The following SEPTIN5 variants were observed in gnomAD, a reference collection of about 807,000 sequenced individuals.
The protein encoded by SEPTIN5 is septin 5, also known as septin-5.
SEPTIN5 carries 16 observed loss-of-function variants against 51.2 expected under a neutral mutation model. The observed-to-expected ratio is 0.31, with a 90% CI of 0.21 to 0.47. SEPTIN5 has a LOEUF of 0.47. Ranked by LOEUF, SEPTIN5 falls within the 20% of genes least tolerant of loss-of-function variation. The pLI, the probability that SEPTIN5 is intolerant of heterozygous loss-of-function variation, is 0.99. For missense variants in SEPTIN5, 376 were observed against 500.3 expected, an observed-to-expected ratio of 0.75 and a Z score of 2.37; for synonymous variants, 208 against 191.2, an observed-to-expected ratio of 1.09 and a Z score of -0.72.
Position 19,719,596 on chromosome 22 carries a change from C to A in SEPTIN5, c.55-6C>A, listed in dbSNP as rs751592507. On this transcript the variant is annotated splice_region_variant and splice_polypyrimidine_tract_variant and intron_variant, in intron 2 of 11. Coordinates refer to ENST00000455784, the MANE Select transcript of SEPTIN5 (RefSeq NM_002688.6). ...GTGTCCCTACCCTGTTCCATCCTGT[C>A]CCCAGGACATTGACAAGCAGTACGT... 1.2e-6 allele frequency: 2 copies of A among 1,610,682 alleles called. No individual in the cohort carries two copies. Among genetic ancestry groups the A allele is most frequent in the Admixed American group, 1.7e-5 (1 of 59,950 alleles).
Position 19,714,509 on chromosome 22 carries a change from C to A in SEPTIN5, c.-80C>A. ...CGGCGCGGAGGGGCCGCTCACCCCG[C>A]AGCCCGGCCTCGGCCTCCGCCGCTT... On this transcript the variant is annotated 5_prime_UTR_variant, in exon 1 of 12. Transcript: ENST00000455784. The surrounding 1 kb of genome is among the most constrained non-coding windows in gnomAD (Gnocchi z 5.2). 4 of 997,838 alleles carry A rather than the reference C, an allele frequency of 4.0e-6. No individual in the cohort carries two copies. Among genetic ancestry groups the A allele is most frequent in the Non-Finnish European group, 5.1e-6 (4 of 791,678 alleles). 61.8% of individuals were successfully genotyped at this position (997,838 alleles called of 1,614,324 possible).
In SEPTIN5 at chr22:19,722,270, C is replaced by T; in HGVS notation, c.984C>T (p.Pro328=). 6.2e-7 allele frequency: 1 copy of T among 1,610,786 alleles called. No homozygotes were observed. Among genetic ancestry groups the T allele is most frequent in the Non-Finnish European group, 8.5e-7 (1 of 1,179,170 alleles). ...CCCAGGACAGCCGCATGGAGAGCCC[C>T]ATCCCGATCCTGCCGCTGCCCACCC... ...KLTQDSRMES[P]IPILPLPTPD... The change falls in exon 11 of 12, where the codon CCC becomes CCT. Residue 328 remains proline (P), a synonymous_variant. Coordinates refer to ENST00000455784, the MANE Select transcript of SEPTIN5 (RefSeq NM_002688.6).
rs756651250 is a variant in SEPTIN5 at position 19,720,443 on chromosome 22, C to T, written c.486C>T (p.Pro162=). Residue 162 remains proline (P), a synonymous_variant, in exon 6 of 12, where the codon CCC becomes CCT. Transcript: ENST00000455784. The part of the protein sequence containing the change: ...RVHCCLYFIS[P]FGHGLRPVDV... Reference sequence around the variant, plus strand: ...ACTGCTGCCTATACTTCATCTCCCCCTTCGGGCATGGGTGTGTGGCTGTCC... The same window carrying T: ...ACTGCTGCCTATACTTCATCTCCCCTTTCGGGCATGGGTGTGTGGCTGTCC... 2.5e-6 allele frequency: 4 copies of T among 1,613,708 alleles called. No individual in the cohort carries two copies. Among genetic ancestry groups the T allele is most frequent in the African/African-American group, 2.7e-5 (2 of 74,932 alleles).
rs1308273794 is a variant in SEPTIN5, at chr22:19,714,762, C to T, written c.44-19C>T. 6 of 1,592,296 alleles carry T rather than the reference C, an allele frequency of 3.8e-6. No individual in the cohort carries two copies. The East Asian group carries it at 1.1e-4, about 30-fold the overall frequency. On this transcript the variant is annotated intron_variant, in intron 1 of 11. Coordinates refer to ENST00000455784, the MANE Select transcript of SEPTIN5 (RefSeq NM_002688.6). This position sits in a 1 kb window ranked among gnomAD's most constrained non-coding sequence, Gnocchi z 5.2. ...GCTCGGAACCGGACCCGGACTCGAC[C>T]CCGACCCCGACCCCGCAGAGGACAA...
chr22:19,716,002 C>T (rs994172545), intron 2 of SEPTIN5, among the ~76,000 whole-genome samples: 4 of 152,220 alleles, frequency 2.6e-5, no homozygotes, highest in Admixed American at 1.3e-4. Flanking sequence ...CTGCAGGTGT[C>T]CCCAGCTTGA....
chr22:19,721,798 C>T, intron 9 of SEPTIN5, 24 bp from the exon 10 acceptor site: 1 of 1,604,092 alleles, frequency 6.2e-7, no homozygotes, highest in Non-Finnish European at 8.5e-7. Flanking sequence ...CGGCGCCAGC[C>T]CACTACCCAC....
At chr22:19,721,197 G>A (rs959129092) in intron 8 of SEPTIN5, among the ~76,000 whole-genome samples, 12 of 152,344 alleles carry the variant, frequency 7.9e-5, no homozygotes, top group African/African-American at 2.6e-4. Context: ...CAGAGGAAGG[G>A]GCTGCCCCAG....
At chr22:19,720,928 G>T in intron 8 of SEPTIN5, 59 bp downstream of exon 8, 2 of 1,457,142 alleles carry the variant, frequency 1.4e-6, no homozygotes, top group South Asian at 1.1e-5. Context: ...AGAACCAGAG[G>T]GCTTTGTCTC....
intron 2 of SEPTIN5, chr22:19,717,685 T>C (rs1298844441): frequency 3.7e-6 from 1 of 266,976 alleles, no homozygotes; most frequent in Non-Finnish European, 7.4e-6. Flanking sequence ...CTAAGCCTCC[T>C]AGGGGACAGG....
intron 7 of SEPTIN5, 49 bp downstream of exon 7, chr22:19,720,715 G>A (rs994726101): frequency 6.2e-7 from 1 of 1,611,652 alleles, no homozygotes; most frequent in African/African-American, 1.3e-5. Context: ...GGGGCTGAGA[G>A]TACCAGGGGG....
In SEPTIN5 at chr22:19,721,664, G is replaced by A. The variant is rs758456044; in HGVS notation, c.742G>A (p.Gly248Ser). Residue 248 changes from glycine to serine, a missense_variant, in exon 9 of 12, where the codon GGC (glycine) becomes AGC (serine). Around this residue, in one of 2 missense-constraint regions of SEPTIN5, gnomAD observed 287 missense variants for 417.1 expected, o/e 0.69. Transcript: ENST00000455784. ...LKESAPFAVIGSNTVVEAKGQ... is the reference protein window; with the variant it reads ...LKESAPFAVISSNTVVEAKGQ... ...GGAGAGCGCGCCCTTCGCCGTTATA[G>A]GCAGCAACACGGTGGTGGAGGCCAA... is the stretch of plus-strand genomic sequence containing the variant. The A allele has an allele frequency of 4.3e-6, 7 of 1,612,748 alleles. No homozygotes were observed. Among genetic ancestry groups the A allele is most frequent in the Non-Finnish European group, 5.9e-6 (7 of 1,179,778 alleles).
rs547228620 is a variant in SEPTIN5 at position 19,721,491 on chromosome 22, G to A, written c.718-149G>A. 194 of 865,160 alleles carry A rather than the reference G, an allele frequency of 2.2e-4. 1 individual carries two copies. The highest frequency in any genetic ancestry group is 2.0e-3 in the African/African-American group (117 of 59,720). The allele number at this position is 865,160 out of a possible 1,614,324, so 53.6% of individuals were successfully genotyped here. On this transcript the variant is annotated intron_variant, in intron 8 of 11. Coordinates refer to ENST00000455784, the MANE Select transcript of SEPTIN5 (RefSeq NM_002688.6). ...TCTGGCTCCAGCCAGGGGCAGAGAG[G>A]CCAGAAAGGGGCAACGCCAGGATCT...
At chr22:19,719,295 C>T in intron 2 of SEPTIN5, 1 of 337,644 alleles carries the variant, frequency 3.0e-6, no homozygotes. Context: ...TGCCCTCTGC[C>T]CGAGGAGGGA....
At chr22:19,718,975 G>C in intron 2 of SEPTIN5, 1 of 691,704 alleles carries the variant, frequency 1.4e-6, no homozygotes, top group Non-Finnish European at 2.0e-6. Flanking sequence ...ACGGTGGGGC[G>C]ACGTGCCCTG....
In SEPTIN5 at chr22:19,723,138, G is replaced by C. The variant is rs1024742646; in HGVS notation, c.*654G>C. 7.2e-6 allele frequency: 4 copies of C among 553,056 alleles called. No individual in the cohort carries two copies. Among genetic ancestry groups the C allele is most frequent in the Non-Finnish European group, 1.4e-5 (4 of 289,464 alleles). 34.3% of individuals were successfully genotyped at this position (553,056 alleles called of 1,614,324 possible). A position where few individuals can be genotyped will look rare whatever the true frequency, so the allele number is the denominator to read the frequency against. On this transcript the variant is annotated 3_prime_UTR_variant, in exon 12 of 12. Coordinates refer to ENST00000455784, the MANE Select transcript of SEPTIN5 (RefSeq NM_002688.6). ...CCACCTCCTGGCAACTCTCGGTGCC[G>C]TCCCCTGCCCTCGCTCGAGGCCTCT...
At chr22:19,720,482 G>A (rs769720786) in intron 6 of SEPTIN5, 28 bp downstream of exon 6, 37 of 1,612,938 alleles carry the variant, frequency 2.3e-5, no homozygotes, top group Admixed American at 2.2e-4. Context: ...GGCCAGGCTC[G>A]GGAGTGCAGC....
At chr22:19,722,119 C>T in intron 10 of SEPTIN5, 118 bp from the exon 11 acceptor site, 3 of 1,200,540 alleles carry the variant, frequency 2.5e-6, no homozygotes, top group Non-Finnish European at 2.3e-6. Context: ...AAGTCCAGGG[C>T]TGTGAGGGCT....
intron 2 of SEPTIN5, chr22:19,718,634 G>T (rs1935956668): frequency 7.7e-7 from 1 of 1,290,906 alleles, no homozygotes; most frequent in South Asian, 3.3e-5. Context: ...GGACAACGCA[G>T]CCTAAGGCAG....
Position 19,722,289 on chromosome 22 carries a change from C to G in SEPTIN5, c.1003C>G (p.Pro335Ala). The change falls in exon 11 of 12, where the codon CCC becomes GCC. Residue 335 changes from proline to alanine, a missense_variant. Coordinates refer to ENST00000455784, the MANE Select transcript of SEPTIN5 (RefSeq NM_002688.6). ...GAGCCCCATCCCGATCCTGCCGCTG[C>G]CCACCCCGGACGCCGAGACTGAGAA... ...MESPIPILPL[P>A]TPDAETEKLI... 1 of 1,611,566 alleles carries G rather than the reference C, an allele frequency of 6.2e-7. No individual in the cohort carries two copies. The highest frequency in any genetic ancestry group is 8.5e-7 in the Non-Finnish European group (1 of 1,179,434).
Sources: gnomAD v4.1 joint callset for allele counts (sites outside exome capture counted in the v4.1 genomes callset) on GRCh38, gnomAD v4.1.1 for gene constraint, gnomAD v4.1.1 regional missense constraint, Gnocchi (gnomAD v3.1) non-coding constraint, MANE v1.5 for transcripts, NCBI Gene and HGNC (gene_info 2026-07-23, HGNC 2026-07-21) for gene names.